MAPK8IP3: variants seen among roughly 807,000 people sequenced by gnomAD.
MAPK8IP3 encodes the protein mitogen-activated protein kinase 8 interacting protein 3, also known as C-Jun-amino-terminal kinase-interacting protein 3.
A neutral mutation model predicts 157.8 loss-of-function variants in MAPK8IP3; 49 were observed. The observed-to-expected ratio is 0.31, with a 90% CI of 0.25 to 0.39. MAPK8IP3 has a LOEUF of 0.39. MAPK8IP3 is among the 10% of genes least tolerant of loss of function. The probability of loss-of-function intolerance (pLI) is 1.00; values close to 1 mark genes in which losing one functional copy is unlikely to be tolerated. For missense variants in MAPK8IP3, 1,478 were observed against 1,889.4 expected, an observed-to-expected ratio of 0.78 and a Z score of 4.04; for synonymous variants, 897 against 777.7, an observed-to-expected ratio of 1.15 and a Z score of -2.55.
rs535504901 is a variant in MAPK8IP3, at chr16:1,742,919, G to A, written c.603-413G>A. Among the ~76,000 whole-genome samples, 12 of 152,050 alleles carry A rather than the reference G, an allele frequency of 7.9e-5. No individual in the cohort carries two copies. Among genetic ancestry groups the A allele is most frequent in the Middle Eastern group, 6.8e-3 (2 of 294 alleles). Reference sequence around the variant, plus strand: ...AGGCGGATCATCAGGTCAGGAGATCGAGACCATCCTGGCTAACACGGTGAA... The same window carrying A: ...AGGCGGATCATCAGGTCAGGAGATCAAGACCATCCTGGCTAACACGGTGAA... On this transcript the variant is annotated intron_variant, in intron 4 of 31. Coordinates refer to ENST00000610761, the MANE Select transcript of MAPK8IP3 (RefSeq NM_001318852.2). This position sits in a 1 kb window ranked among gnomAD's most constrained non-coding sequence, Gnocchi z 5.0.
chr16:1,749,505 C>T (rs1334936861), intron 8 of MAPK8IP3, among the ~76,000 whole-genome samples: 1 of 152,176 alleles, frequency 6.6e-6, no homozygotes, highest in African/African-American at 2.4e-5. Flanking sequence ...AGGTCTACAC[C>T]GGACCCCTGT....
rs8048933 is a variant in MAPK8IP3 at position 1,765,208 on chromosome 16, G to C, written c.2446+30G>C. ...GCAGCTGGAGTGGGCGTTTCCACTCGGGCGCCACTCCCTTTTACTAGCAAG... is the reference window on the plus strand; with the variant it reads ...GCAGCTGGAGTGGGCGTTTCCACTCCGGCGCCACTCCCTTTTACTAGCAAG... On this transcript the variant is annotated intron_variant, in intron 20 of 31. Transcript: ENST00000610761. The C allele has an allele frequency of 1.7e-5, 26 of 1,570,054 alleles. No homozygotes were observed. The Admixed American group carries it at 1.9e-4, about 12-fold the overall frequency.
At position 1,759,951 on chromosome 16, in the gene MAPK8IP3, G is replaced by A. The variant is rs1427015390; in HGVS notation, c.1247-7G>A. On this transcript the variant is annotated splice_polypyrimidine_tract_variant and splice_region_variant and intron_variant, in intron 10 of 31. Transcript: ENST00000610761. ...CACAGGTGAAACCTCCGCACCTTCT[G>A]TTTCAGGAATGGGCAAAGAAGTGGG... is the stretch of plus-strand genomic sequence containing the variant. 6.2e-7 allele frequency: 1 copy of A among 1,614,160 alleles called. No individual in the cohort carries two copies. Among genetic ancestry groups the A allele is most frequent in the Non-Finnish European group, 8.5e-7 (1 of 1,179,978 alleles).
chr16:1,728,196 G>C (rs2039022568), intron 2 of MAPK8IP3, among the ~76,000 whole-genome samples: 1 of 152,218 alleles, frequency 6.6e-6, no homozygotes, highest in Non-Finnish European at 1.5e-5. Context: ...GTGTCTCTTG[G>C]GCAGATCACG....
At chr16:1,731,327 CAAAA>C (rs2039304800) in intron 4 of MAPK8IP3, among the ~76,000 whole-genome samples, 1 of 152,048 alleles carries the variant, frequency 6.6e-6, no homozygotes, top group Admixed American at 6.6e-5. Context: ...GAGCCTGTCT[CAAAA>C]AAGAAAGAAA....
chr16:1,716,020 C>T (rs940951631), intron 1 of MAPK8IP3, among the ~76,000 whole-genome samples: 1 of 152,108 alleles, frequency 6.6e-6, no homozygotes, highest in African/African-American at 2.4e-5. Context: ...AGCCACTGCA[C>T]CGGCCGAGGT....
chr16:1,760,248 G>T (rs1445583676), intron 11 of MAPK8IP3, 132 bp from the exon 12 acceptor site: 3 of 1,202,354 alleles, frequency 2.5e-6, no homozygotes, highest in Non-Finnish European at 3.5e-6. Flanking sequence ...TGGGGATGGG[G>T]TCTCCCATTC....
chr16:1,746,040 T>C (rs1417222834), intron 5 of MAPK8IP3: 1 of 152,166 alleles, frequency 6.6e-6, no homozygotes, highest in Non-Finnish European at 1.5e-5. Flanking sequence ...TCCTTAGCAT[T>C]AGAGTCCCCC....
At position 1,741,616 on chromosome 16, in the gene MAPK8IP3, G is replaced by A. The variant is rs2040687869; in HGVS notation, c.603-1716G>A. Among the ~76,000 whole-genome samples the A allele has an allele frequency of 6.6e-6, 1 of 152,120 alleles. No individual in the cohort carries two copies. The highest frequency in any genetic ancestry group is 2.4e-5 in the African/African-American group (1 of 41,418). ...CGCTCCCCGCACCAGCGTTGGGAGC[G>A]CAGTGGAAGTGGGGCCAGGAGGCCC... On this transcript the variant is annotated intron_variant, in intron 4 of 31. Coordinates refer to ENST00000610761, the MANE Select transcript of MAPK8IP3 (RefSeq NM_001318852.2). This position sits in a 1 kb window ranked among gnomAD's most constrained non-coding sequence, Gnocchi z 6.9.
chr16:1,722,009 T>TC (rs200503157), intron 1 of MAPK8IP3, among the ~76,000 whole-genome samples: 19 of 139,142 alleles, frequency 1.4e-4, no homozygotes, highest in Admixed American at 2.2e-4. Flanking sequence ...GACCTCGTCA[T>TC]CCCCCCCGCC....
chr16:1,743,679 G>A lies in MAPK8IP3; in HGVS notation c.747+203G>A. ...CAGCAGGCCCTGTGTGGCTGTGGCT[G>A]TTCCACGCGGCCTCGTGTCGGCACC... On this transcript the variant is annotated intron_variant, in intron 5 of 31. Transcript: ENST00000610761. The surrounding 1 kb of genome is among the most constrained non-coding windows in gnomAD (Gnocchi z 5.6). 3.5e-6 allele frequency: 5 copies of A among 1,410,006 alleles called. No individual in the cohort carries two copies. The highest frequency in any genetic ancestry group is 4.6e-6 in the Non-Finnish European group (5 of 1,090,616). The allele number at this position is 1,410,006 out of a possible 1,614,324, so 87.3% of individuals were successfully genotyped here.
chr16:1,721,922 A>G (rs1325126217), intron 1 of MAPK8IP3, among the ~76,000 whole-genome samples: 2 of 151,878 alleles, frequency 1.3e-5, no homozygotes, highest in Non-Finnish European at 2.9e-5. Context: ...GGCGCCCGCC[A>G]CCACGCCCAG....
chr16:1,768,152 T>A (rs2437734), intron 29 of MAPK8IP3, 45 bp downstream of exon 29: 1 of 1,611,866 alleles, frequency 6.2e-7, no homozygotes, highest in Admixed American at 1.7e-5. Flanking sequence ...CCTCTCCCAC[T>A]CTCCACCTGT....
At chr16:1,737,355 AGT>A (rs1357287764) in intron 4 of MAPK8IP3, among the ~76,000 whole-genome samples, 9 of 40,744 alleles carry the variant, frequency 2.2e-4, no homozygotes, top group African/African-American at 9.5e-4. Context: ...ACCGTCCGTG[AGT>A]GTGTGACCGT....
intron 1 of MAPK8IP3, among the ~76,000 whole-genome samples, chr16:1,719,837 AAAAG>A (rs1399742936): frequency 2.6e-5 from 4 of 152,106 alleles, no homozygotes; most frequent in Non-Finnish European, 2.9e-5. Flanking sequence ...AAATAAAAGT[AAAAG>A]AAAAAAAGCC....
intron 4 of MAPK8IP3, among the ~76,000 whole-genome samples, chr16:1,733,930 G>A (rs1343110159): frequency 3.3e-5 from 5 of 152,242 alleles, no homozygotes; most frequent in Non-Finnish European, 7.3e-5. Flanking sequence ...CAGGACCTTT[G>A]GCACCGGCCG....
chr16:1,769,702 C>T lies in MAPK8IP3; in HGVS notation c.*878C>T, dbSNP rs1171607700. On this transcript the variant is annotated 3_prime_UTR_variant, in exon 32 of 32. Coordinates refer to ENST00000610761, the MANE Select transcript of MAPK8IP3 (RefSeq NM_001318852.2). ...GCCCCTGGCCTCTCCGGGATCAGTC[C>T]TAGGACACAGGCTCAGCCTCAGGTT... The T allele has an allele frequency of 7.2e-5, 11 of 152,660 alleles. No individual in the cohort carries two copies. Among genetic ancestry groups the T allele is most frequent in the African/African-American group, 2.4e-4 (10 of 41,438 alleles). 9.5% of individuals were successfully genotyped at this position (152,660 alleles called of 1,614,324 possible).
intron 4 of MAPK8IP3, among the ~76,000 whole-genome samples, chr16:1,739,352 G>GTGTGAC (rs2040435855): frequency 7.3e-6 from 1 of 137,016 alleles, no homozygotes; most frequent in East Asian, 2.3e-4. Flanking sequence ...ATCCATGTGA[G>GTGTGAC]CATCCGTGTG....
chr16:1,767,046 G>A, intron 25 of MAPK8IP3, 75 bp downstream of exon 25: 1 of 1,572,572 alleles, frequency 6.4e-7, no homozygotes, highest in Non-Finnish European at 8.6e-7. Context: ...GGCTCCCGGG[G>A]TTCCAGGCCT....
Sources: gnomAD v4.1 joint callset for allele counts (sites outside exome capture counted in the v4.1 genomes callset) on GRCh38, gnomAD v4.1.1 for gene constraint, Gnocchi (gnomAD v3.1) non-coding constraint, MANE v1.5 for transcripts, NCBI Gene and HGNC (gene_info 2026-07-23, HGNC 2026-07-21) for gene names.